The following IKZF1 variants were observed in gnomAD, a reference collection of about 807,000 sequenced individuals.
IKZF1 encodes DNA-binding protein Ikaros.
In IKZF1, 10 loss-of-function variants were observed where a neutral mutation model predicts 51.7. The observed-to-expected ratio is 0.19, with a 90% CI of 0.12 to 0.33. The LOEUF (loss-of-function observed/expected upper bound fraction) is 0.33. IKZF1 is among the 10% of genes least tolerant of loss of function. The probability of loss-of-function intolerance (pLI) is 1.00; values close to 1 mark genes in which losing one functional copy is unlikely to be tolerated. For synonymous variants in IKZF1, 280 were observed against 282.3 expected (o/e 0.99, Z 0.08); for missense variants, 484 against 707.5 (o/e 0.68, Z 3.58).
At chr7:50,322,177 CAGTT>C (rs554665312) in intron 2 of IKZF1, among the ~76,000 whole-genome samples, 184 of 152,216 alleles carry the variant, frequency 1.2e-3, no homozygotes, top group African/African-American at 4.3e-3. Flanking sequence ...GAAGAAATGA[CAGTT>C]AGTTATGGCA....
chr7:50,352,387 G>C (rs1193863553), intron 3 of IKZF1, among the ~76,000 whole-genome samples: 1 of 152,220 alleles, frequency 6.6e-6, no homozygotes. Context: ...TGCCTAAAGA[G>C]AGTGTGTGTA....
intron 3 of IKZF1, among the ~76,000 whole-genome samples, chr7:50,365,628 G>A (rs1236927151): frequency 6.6e-6 from 1 of 152,142 alleles, no homozygotes; most frequent in Non-Finnish European, 1.5e-5. Flanking sequence ...AAAAGTCAAA[G>A]AATGACAGTT....
chr7:50,336,522 T>C (rs1181290325), intron 3 of IKZF1, among the ~76,000 whole-genome samples: 3 of 152,176 alleles, frequency 2.0e-5, no homozygotes, highest in African/African-American at 7.2e-5. Flanking sequence ...GGAATAGCCC[T>C]TCAGGGGGCC....
intron 3 of IKZF1, among the ~76,000 whole-genome samples, chr7:50,370,913 C>A (rs1467244299): frequency 6.6e-6 from 1 of 152,152 alleles, no homozygotes; most frequent in Non-Finnish European, 1.5e-5. Flanking sequence ...TGAAGCAATA[C>A]CACAGCTAAG....
intron 1 of IKZF1, among the ~76,000 whole-genome samples, chr7:50,316,658 C>T (rs1791634986): frequency 1.3e-5 from 2 of 152,202 alleles, no homozygotes; most frequent in Admixed American, 6.5e-5. Flanking sequence ...GGGGACCAGC[C>T]GAGGGCAGTT....
chr7:50,329,167 T>G (rs1795862231), intron 3 of IKZF1, among the ~76,000 whole-genome samples: 1 of 151,792 alleles, frequency 6.6e-6, no homozygotes, highest in African/African-American at 2.4e-5. Flanking sequence ...AATGGTTCTT[T>G]TTTTTTTTAA....
chr7:50,357,964 C>A (rs1562818184), intron 3 of IKZF1, among the ~76,000 whole-genome samples: 1 of 152,160 alleles, frequency 6.6e-6, no homozygotes, highest in Non-Finnish European at 1.5e-5. Context: ...TCTCACAGGG[C>A]TGCTTCAAGG....
chr7:50,343,152 T>C (rs967660342), intron 3 of IKZF1, among the ~76,000 whole-genome samples: 1 of 140,030 alleles, frequency 7.1e-6, no homozygotes, highest in Non-Finnish European at 1.6e-5. Context: ...CTTCCTTTCT[T>C]TCTTCCCTCC....
intron 1 of IKZF1, among the ~76,000 whole-genome samples, chr7:50,305,573 G>A (rs1315556790): frequency 1.3e-5 from 2 of 152,138 alleles, no homozygotes; most frequent in Non-Finnish European, 2.9e-5. Flanking sequence ...AAACCGTAGC[G>A]ATTCCATAGG....
At position 50,338,256 on chromosome 7, in the gene IKZF1, G is replaced by A. The variant is rs920761252; in HGVS notation, c.160+10499G>A. Among the ~76,000 whole-genome samples the A allele has an allele frequency of 5.7e-3, 866 of 152,214 alleles. 10 individuals carry two copies. The highest frequency in any genetic ancestry group is 0.019 in the African/African-American group (803 of 41,536). On this transcript the variant is annotated intron_variant, in intron 3 of 7. Coordinates refer to ENST00000331340, the MANE Select transcript of IKZF1 (RefSeq NM_006060.6). ...ATGTTAATCTTCATTTTATTTTGAT[G>A]CCTTACACTCAAGATCACATTGAAC...
rs1287359926 is a variant in IKZF1 at position 50,333,084 on chromosome 7, GA to G, written c.160+5339del. On this transcript the variant is annotated intron_variant, in intron 3 of 7. Transcript: ENST00000331340. ...GAATTTGATTTACCCTAGCCTAATT[GA>G]AAAAAAAAAAAGTAGAAAAGAAATC... 1.5e-3 allele frequency among the ~76,000 whole-genome samples: 208 copies of G among 143,012 alleles called. 1 individual carries two copies. The highest frequency in any genetic ancestry group is 2.5e-3 in the Admixed American group (36 of 14,414). The allele number at this position is 143,012 out of a possible 152,430, so 93.8% of individuals were successfully genotyped here.
intron 1 of IKZF1, among the ~76,000 whole-genome samples, chr7:50,314,259 C>T (rs946901548): frequency 2.6e-5 from 4 of 152,154 alleles, no homozygotes; most frequent in African/African-American, 7.2e-5. Flanking sequence ...TACAGGCGCC[C>T]GCCACCACAC....
intron 2 of IKZF1, among the ~76,000 whole-genome samples, chr7:50,319,903 G>A (rs1322972890): frequency 6.6e-6 from 1 of 152,214 alleles, no homozygotes. Flanking sequence ...GTTTCTATGG[G>A]ATTCTACAAG....
At chr7:50,352,688 G>A (rs937426568) in intron 3 of IKZF1, among the ~76,000 whole-genome samples, 6 of 152,048 alleles carry the variant, frequency 3.9e-5, no homozygotes, top group Admixed American at 1.3e-4. Context: ...CAACCTCTTC[G>A]GTCTCTCTTC....
chr7:50,399,759 G>A (rs372204703), intron 7 of IKZF1, 159 bp from the exon 8 acceptor site: 3 of 1,127,692 alleles, frequency 2.7e-6, no homozygotes, highest in South Asian at 3.3e-5. Context: ...GTGTCCGCAG[G>A]TGTGTGTGTA....
At position 50,311,211 on chromosome 7, in the gene IKZF1, G is replaced by A. The variant is rs549651013; in HGVS notation, c.-15+6289G>A. 1.8e-4 allele frequency among the ~76,000 whole-genome samples: 28 copies of A among 152,218 alleles called. 1 individual carries two copies. The South Asian group carries it at 5.8e-3, about 32-fold the overall frequency. On this transcript the variant is annotated intron_variant, in intron 1 of 7. Transcript: ENST00000331340. ...ATGTCTGCACCTTTTCATCCTCTCT[G>A]GAGGAAAGACTAAATACCCATTATT...
chr7:50,309,318 G>A (rs1008232899), intron 1 of IKZF1, among the ~76,000 whole-genome samples: 1 of 152,186 alleles, frequency 6.6e-6, no homozygotes, highest in Non-Finnish European at 1.5e-5. Context: ...AGGAGGTTAG[G>A]TTTGTTGAGA....
At chr7:50,304,007 C>A (rs1243297357), upstream of IKZF1, 2 of 145,124 alleles carry the variant, frequency 1.4e-5, no homozygotes, top group Non-Finnish European at 3.1e-5. Context: ...AATGAGGAAG[C>A]GCGGCGGCGA....
At chr7:50,382,415 T>C in intron 4 of IKZF1, 125 bp from the exon 5 acceptor site, 6 of 1,357,496 alleles carry the variant, frequency 4.4e-6, no homozygotes, top group Non-Finnish European at 4.9e-6. Flanking sequence ...GAAAGCCTCA[T>C]GTTCTATCAA....
Sources: gnomAD v4.1 joint callset for allele counts (sites outside exome capture counted in the v4.1 genomes callset) on GRCh38, gnomAD v4.1.1 for gene constraint, MANE v1.5 for transcripts, NCBI Gene and HGNC (gene_info 2026-07-23, HGNC 2026-07-21) for gene names.